LITAF: variants seen among roughly 807,000 people sequenced by gnomAD.
LITAF encodes lipopolysaccharide-induced tumor necrosis factor-alpha factor.
Under a neutral mutation model 14.5 loss-of-function variants are expected in LITAF, and 9 were observed. The ratio of observed to expected loss-of-function variants is 0.62; its 90% CI spans 0.37 to 1.08. The LOEUF is 1.08. LITAF is among the 50% of genes least tolerant of loss of function. The probability of loss-of-function intolerance (pLI) is 0.01; values close to 1 mark genes in which losing one functional copy is unlikely to be tolerated. For missense variants in LITAF, 206 were observed against 213.4 expected (o/e 0.97, Z 0.22); for synonymous variants, 98 against 88.2 (o/e 1.11, Z -0.62).
At chr16:11,626,044 A>C (rs2065081750) in intron 3 of LITAF, among the ~76,000 whole-genome samples, 1 of 152,152 alleles carries the variant, frequency 6.6e-6, no homozygotes, top group African/African-American at 2.4e-5. Flanking sequence ...GCGCTTAGTA[A>C]ATTTCTCAGG....
intron 3 of LITAF, among the ~76,000 whole-genome samples, chr16:11,629,728 C>A (rs1018175393): frequency 1.3e-5 from 2 of 152,232 alleles, no homozygotes; most frequent in African/African-American, 4.8e-5. Context: ...CTTGAGGGCC[C>A]AGGGCTTCGG....
At chr16:11,593,977 G>C (rs1403283392) in intron 1 of LITAF, among the ~76,000 whole-genome samples, 1 of 152,032 alleles carries the variant, frequency 6.6e-6, no homozygotes, top group Non-Finnish European at 1.5e-5. Flanking sequence ...GGGAGTTTGA[G>C]ACCAGCCTGG....
chr16:11,637,176 C>G (rs2141915403), upstream of LITAF, among the ~76,000 whole-genome samples: 1 of 152,358 alleles, frequency 6.6e-6, no homozygotes, highest in South Asian at 2.1e-4. Context: ...TAGGCGCAGG[C>G]CACCGCGCCT....
intron 3 of LITAF, among the ~76,000 whole-genome samples, chr16:11,610,754 G>C (rs1360006900): frequency 6.6e-6 from 1 of 152,128 alleles, no homozygotes; most frequent in Non-Finnish European, 1.5e-5. Flanking sequence ...CTCAAGTATG[G>C]AGTCATGCTT....
At chr16:11,564,383 T>C (rs1420750152) in intron 1 of LITAF, among the ~76,000 whole-genome samples, 1 of 152,142 alleles carries the variant, frequency 6.6e-6, no homozygotes, top group East Asian at 1.9e-4. Context: ...GATCTGCTTC[T>C]AAACAATTCA....
At chr16:11,617,263 C>T (rs1041264881) in intron 3 of LITAF, among the ~76,000 whole-genome samples, 1 of 151,852 alleles carries the variant, frequency 6.6e-6, no homozygotes, top group Non-Finnish European at 1.5e-5. Flanking sequence ...CAGCACATTG[C>T]TAAAATCCAT....
intron 1 of LITAF, among the ~76,000 whole-genome samples, chr16:11,566,755 G>A (rs1403438586): frequency 6.6e-6 from 1 of 151,956 alleles, no homozygotes; most frequent in Admixed American, 6.6e-5. Flanking sequence ...CTGGGCAGGG[G>A]TAGGGGGGCG....
chr16:11,625,955 T>G (rs1465000388), intron 3 of LITAF, among the ~76,000 whole-genome samples: 3 of 152,096 alleles, frequency 2.0e-5, no homozygotes, highest in Non-Finnish European at 2.9e-5. Flanking sequence ...ACAGAGAGGT[T>G]GGGTGACCTG....
chr16:11,613,105 T>C (rs1400538563), intron 3 of LITAF, among the ~76,000 whole-genome samples: 1 of 152,166 alleles, frequency 6.6e-6, no homozygotes, highest in Non-Finnish European at 1.5e-5. Flanking sequence ...AGTGGTACAA[T>C]GTCGACTCAC....
In LITAF at chr16:11,607,062, G is replaced by A. The variant is rs138448399; in HGVS notation, c.85+26471C>T. Among the ~76,000 whole-genome samples, 484 of 152,352 alleles carry A rather than the reference G, an allele frequency of 3.2e-3. 7 individuals carry two copies. Among genetic ancestry groups the A allele is most frequent in the African/African-American group, 0.011 (469 of 41,574 alleles). Reference sequence around the variant, plus strand: ...CCCAAGGTCACACCACCATTTGGGAGTAAATCCACATCCTCACCCCAGGCA... The same window carrying A: ...CCCAAGGTCACACCACCATTTGGGAATAAATCCACATCCTCACCCCAGGCA... On this transcript the variant is annotated intron_variant, in intron 3 of 3. Coordinates refer to the LITAF transcript ENST00000574848.
chr16:11,623,590 G>A, intron 3 of LITAF, among the ~76,000 whole-genome samples: 1 of 151,790 alleles, frequency 6.6e-6, no homozygotes, highest in Non-Finnish European at 1.5e-5. Flanking sequence ...AACCCAGGAG[G>A]CAGAGGTTGT....
At chr16:11,609,690 G>T (rs757835931) in intron 3 of LITAF, among the ~76,000 whole-genome samples, 4 of 152,094 alleles carry the variant, frequency 2.6e-5, no homozygotes, top group African/African-American at 4.8e-5. Flanking sequence ...AGCCTCAGAG[G>T]CCCCCATCTG....
At chr16:11,630,827 C>T (rs2065114208) in intron 3 of LITAF, among the ~76,000 whole-genome samples, 1 of 151,922 alleles carries the variant, frequency 6.6e-6, no homozygotes, top group Non-Finnish European at 1.5e-5. Flanking sequence ...AACTCCTGGC[C>T]TCAAAATGAT....
At chr16:11,585,716 G>A (rs1211334963) in intron 1 of LITAF, among the ~76,000 whole-genome samples, 1 of 152,186 alleles carries the variant, frequency 6.6e-6, no homozygotes, top group East Asian at 1.9e-4. Flanking sequence ...CTTTCCTAAA[G>A]AGGACCCCAA....
At chr16:11,618,286 T>C (rs932568479) in intron 3 of LITAF, among the ~76,000 whole-genome samples, 1 of 152,222 alleles carries the variant, frequency 6.6e-6, no homozygotes, top group African/African-American at 2.4e-5. Flanking sequence ...CTGGTCTAGA[T>C]TGCAGGCAGA....
At chr16:11,594,594 G>A (rs1416786818) in intron 1 of LITAF, among the ~76,000 whole-genome samples, 1 of 152,166 alleles carries the variant, frequency 6.6e-6, no homozygotes, top group Admixed American at 6.6e-5. Context: ...ATGCTATAGA[G>A]GCTGGGCGTG....
chr16:11,608,144 T>G (rs926494401), intron 3 of LITAF, among the ~76,000 whole-genome samples: 2 of 152,172 alleles, frequency 1.3e-5, no homozygotes, highest in African/African-American at 4.8e-5. Context: ...AGCACCCCCA[T>G]GGGATCAGAA....
intron 3 of LITAF, among the ~76,000 whole-genome samples, chr16:11,628,174 G>A (rs1257270042): frequency 6.6e-6 from 1 of 152,112 alleles, no homozygotes; most frequent in Non-Finnish European, 1.5e-5. Flanking sequence ...ATAAGACCTG[G>A]TTCGTTTCTC....
intron 1 of LITAF, among the ~76,000 whole-genome samples, chr16:11,573,006 G>A (rs2064569924): frequency 6.7e-6 from 1 of 149,684 alleles, no homozygotes; most frequent in African/African-American, 2.5e-5. Context: ...TCAGCTCACT[G>A]CAACCTCCGC....
Sources: allele counts gnomAD v4.1 joint callset (sites outside exome capture counted in the v4.1 genomes callset), GRCh38; gene constraint gnomAD v4.1.1; transcripts MANE v1.5; gene names NCBI Gene and HGNC (gene_info 2026-07-23, HGNC 2026-07-21).